The following NPAS3 variants were observed in gnomAD, a reference collection of about 807,000 sequenced individuals.
NPAS3 encodes neuronal PAS domain-containing protein 3.
A neutral mutation model predicts 73.1 loss-of-function variants in NPAS3; 14 were observed. The observed-to-expected ratio is 0.19, with a 90% CI of 0.13 to 0.30. The LOEUF (loss-of-function observed/expected upper bound fraction) is 0.30. NPAS3 is among the 10% of genes least tolerant of loss of function. The probability of loss-of-function intolerance (pLI) is 1.00; values close to 1 mark genes in which losing one functional copy is unlikely to be tolerated. For synonymous variants in NPAS3, 620 were observed against 541.5 expected, an observed-to-expected ratio of 1.14 and a Z score of -2.01; for missense variants, 1,096 against 1,250.0, an observed-to-expected ratio of 0.88 and a Z score of 1.86.
intron 1 of NPAS3, among the ~76,000 whole-genome samples, chr14:33,036,121 T>G (rs2040160612): frequency 6.6e-6 from 1 of 152,110 alleles, no homozygotes; most frequent in Non-Finnish European, 1.5e-5. Flanking sequence ...ATTCCAAGTC[T>G]CCTTCTAAGG....
At chr14:33,127,711 G>A (rs751999459) in intron 2 of NPAS3, among the ~76,000 whole-genome samples, 2 of 152,080 alleles carry the variant, frequency 1.3e-5, no homozygotes, top group Non-Finnish European at 2.9e-5. Context: ...CATTGTATTG[G>A]TTTCTAGTTC....
chr14:33,084,950 A>G (rs1340456645), intron 2 of NPAS3, among the ~76,000 whole-genome samples: 1 of 152,208 alleles, frequency 6.6e-6, no homozygotes, highest in Non-Finnish European at 1.5e-5. Context: ...TATGAAAAGT[A>G]TATGGCACTG....
At chr14:33,509,319 T>C (rs1437832822) in intron 4 of NPAS3, among the ~76,000 whole-genome samples, 1 of 152,008 alleles carries the variant, frequency 6.6e-6, no homozygotes, top group African/African-American at 2.4e-5. Flanking sequence ...CTAAGCGCTA[T>C]AAAGGAGTTG....
chr14:33,113,577 T>G (rs2042966335), intron 2 of NPAS3, among the ~76,000 whole-genome samples: 1 of 151,992 alleles, frequency 6.6e-6, no homozygotes, highest in Non-Finnish European at 1.5e-5. Context: ...GCTGAGACAA[T>G]AGGGTTTTCT....
chr14:32,941,454 G>T (rs2036013203), intron 1 of NPAS3, among the ~76,000 whole-genome samples: 1 of 150,380 alleles, frequency 6.6e-6, no homozygotes, highest in South Asian at 2.1e-4. Context: ...TCTGAGATAA[G>T]AATCTCGGAG....
rs36035161 is a variant in NPAS3, at chr14:33,315,506, C to CG, written c.386-51672dup. Reference sequence around the variant, plus strand: ...TTTGCATGAGATTAGAAGAGTGTGTCGGGGGGGGAGTGTGTTTGTGTGTGT... The same window carrying CG: ...TTTGCATGAGATTAGAAGAGTGTGTCGGGGGGGGGAGTGTGTTTGTGTGTGT... On this transcript the variant is annotated intron_variant, in intron 3 of 11. Coordinates refer to ENST00000356141, the Ensembl canonical transcript of NPAS3. 6.4e-4 allele frequency among the ~76,000 whole-genome samples: 95 copies of CG among 149,454 alleles called. 1 individual carries two copies. Among genetic ancestry groups the CG allele is most frequent in the Admixed American group, 4.1e-3 (61 of 14,948 alleles).
chr14:33,256,369 T>A (rs2048781696), intron 3 of NPAS3, among the ~76,000 whole-genome samples: 1 of 152,196 alleles, frequency 6.6e-6, no homozygotes, highest in South Asian at 2.1e-4. Flanking sequence ...TTTCCCTCAT[T>A]TGGATTGGAT....
At chr14:33,529,272 C>T (rs1261067730) in intron 4 of NPAS3, among the ~76,000 whole-genome samples, 1 of 151,998 alleles carries the variant, frequency 6.6e-6, no homozygotes, top group Non-Finnish European at 1.5e-5. Flanking sequence ...AACAGTTTCC[C>T]AACTTCTCTT....
At chr14:33,300,741 G>A (rs2140148132) in intron 3 of NPAS3, among the ~76,000 whole-genome samples, 1 of 152,172 alleles carries the variant, frequency 6.6e-6, no homozygotes, top group Non-Finnish European at 1.5e-5. Context: ...AGGGGTTGGG[G>A]GCCTGGAGAG....
At chr14:33,022,638 C>A (rs1457641551) in intron 1 of NPAS3, among the ~76,000 whole-genome samples, 7 of 139,358 alleles carry the variant, frequency 5.0e-5, no homozygotes, top group Non-Finnish European at 4.5e-5. Flanking sequence ...GCACTCCAGC[C>A]TGGGCGACAG....
chr14:33,410,131 G>A (rs1046078089), intron 4 of NPAS3, among the ~76,000 whole-genome samples: 14 of 152,004 alleles, frequency 9.2e-5, no homozygotes, highest in East Asian at 1.9e-4. Context: ...ATGAAGCTGC[G>A]TAGGTCCAAG....
At chr14:33,319,607 A>G (rs975084805) in intron 3 of NPAS3, among the ~76,000 whole-genome samples, 2 of 151,990 alleles carry the variant, frequency 1.3e-5, no homozygotes, top group African/African-American at 4.8e-5. Flanking sequence ...TTATGATTCT[A>G]TTTTACTGGT....
chr14:33,035,073 G>C (rs1326632004), intron 1 of NPAS3, among the ~76,000 whole-genome samples: 1 of 152,004 alleles, frequency 6.6e-6, no homozygotes, highest in Non-Finnish European at 1.5e-5. Flanking sequence ...CAGTTATTTT[G>C]ATATTTTGCA....
intron 4 of NPAS3, among the ~76,000 whole-genome samples, chr14:33,441,868 A>G (rs998961893): frequency 6.6e-6 from 1 of 152,178 alleles, no homozygotes; most frequent in East Asian, 1.9e-4. Context: ...ATCACATCTC[A>G]TGAGACTTAC....
At chr14:33,430,699 G>C (rs955582377) in intron 4 of NPAS3, among the ~76,000 whole-genome samples, 3 of 152,176 alleles carry the variant, frequency 2.0e-5, no homozygotes, top group African/African-American at 7.2e-5. Flanking sequence ...GCCCAGGGAA[G>C]GTTGTAGATG....
intron 5 of NPAS3, among the ~76,000 whole-genome samples, chr14:33,560,978 A>G (rs193151204): frequency 6.6e-6 from 1 of 152,186 alleles, no homozygotes; most frequent in East Asian, 1.9e-4. Context: ...TCTCCATAAA[A>G]ATGCTGAACA....
intron 5 of NPAS3, among the ~76,000 whole-genome samples, chr14:33,588,776 G>C (rs1415211686): frequency 6.6e-6 from 1 of 152,090 alleles, no homozygotes; most frequent in African/African-American, 2.4e-5. Flanking sequence ...ACCATGCACA[G>C]ATAAATTTTT....
At chr14:33,049,926 T>G (rs1420254337) in intron 1 of NPAS3, among the ~76,000 whole-genome samples, 1 of 152,222 alleles carries the variant, frequency 6.6e-6, no homozygotes, top group South Asian at 2.1e-4. Context: ...TCAAATACTT[T>G]CCAAGTTGCC....
At chr14:33,197,922 A>G (rs764614675) in intron 2 of NPAS3, among the ~76,000 whole-genome samples, 1 of 152,208 alleles carries the variant, frequency 6.6e-6, no homozygotes, top group Non-Finnish European at 1.5e-5. Flanking sequence ...TGGTGTGTCC[A>G]GACTTTGTTC....
Sources: allele counts gnomAD v4.1 joint callset (sites outside exome capture counted in the v4.1 genomes callset), GRCh38; gene constraint gnomAD v4.1.1; transcripts MANE v1.5; gene names NCBI Gene and HGNC (gene_info 2026-07-23, HGNC 2026-07-21).